The following MOB1B variants were observed in gnomAD, a reference collection of about 807,000 sequenced individuals.
MOB1B encodes the protein MOB kinase activator 1B.
MOB1B carries 19 observed loss-of-function variants against 24.4 expected under a neutral mutation model. That is an observed-to-expected ratio of 0.78 (90% CI 0.54 to 1.14). MOB1B has a LOEUF of 1.14. MOB1B is among the 50% of genes most tolerant of loss of function. The pLI is 0.00. For synonymous variants in MOB1B, 76 were observed against 82.1 expected (o/e 0.93, Z 0.40); for missense variants, 243 against 259.6 (o/e 0.94, Z 0.44).
chr4:70,945,906 G>C (rs1043429605), intron 1 of MOB1B, among the ~76,000 whole-genome samples: 1 of 151,598 alleles, frequency 6.6e-6, no homozygotes, highest in Non-Finnish European at 1.5e-5. Context: ...GAGATAAGGA[G>C]AAGTAGGCGC....
intron 2 of MOB1B, among the ~76,000 whole-genome samples, chr4:70,967,551 T>C (rs1394777599): frequency 2.0e-5 from 3 of 152,184 alleles, no homozygotes; most frequent in Non-Finnish European, 4.4e-5. Flanking sequence ...ATGTTGATTG[T>C]TCTGAAAATC....
intron 1 of MOB1B, among the ~76,000 whole-genome samples, chr4:70,928,297 T>C (rs998445307): frequency 3.3e-5 from 5 of 151,796 alleles, no homozygotes; most frequent in African/African-American, 9.7e-5. Flanking sequence ...TTCAAGAATT[T>C]TGTTTTTTTT....
intron 1 of MOB1B, among the ~76,000 whole-genome samples, chr4:70,940,753 AG>A (rs1393335564): frequency 6.7e-6 from 1 of 150,364 alleles, no homozygotes; most frequent in Non-Finnish European, 1.5e-5. Context: ...CTCAGCTCAC[AG>A]CAACCTCCAC....
chr4:70,920,412 A>T (rs554733083), intron 1 of MOB1B, among the ~76,000 whole-genome samples: 244 of 152,204 alleles, frequency 1.6e-3, no homozygotes, highest in African/African-American at 5.6e-3. Context: ...TTTAGTAGAG[A>T]TGGGGTTTTA....
At chr4:70,920,380 A>C (rs1227427875) in intron 1 of MOB1B, among the ~76,000 whole-genome samples, 2 of 152,090 alleles carry the variant, frequency 1.3e-5, no homozygotes, top group Admixed American at 1.3e-4. Context: ...GTGCCCCGCC[A>C]TGCCTGGCTA....
intron 5 of MOB1B, among the ~76,000 whole-genome samples, chr4:70,980,677 C>G (rs1739176515): frequency 6.6e-6 from 1 of 152,146 alleles, no homozygotes. Context: ...CTACCTAGAT[C>G]CCTTCTGTTG....
rs542734035 is a variant in MOB1B at position 70,969,917 on chromosome 4, T to C, written c.182-14T>C. The C allele has an allele frequency of 1.1e-5, 16 of 1,471,046 alleles. No individual in the cohort carries two copies. The Admixed American group carries it at 2.7e-4, about 25-fold the overall frequency. 91.1% of individuals were successfully genotyped at this position (1,471,046 alleles called of 1,614,324 possible). The stretch of plus-strand genomic sequence containing the variant: ...GCCATTCTGTTTTACTTACAACTGA[T>C]ACTTGCTTTACAGCTGTGGATTTCT... On this transcript the variant is annotated splice_polypyrimidine_tract_variant and intron_variant, in intron 2 of 5. Transcript: ENST00000309395.
chr4:70,912,189 G>A (rs1736015643), intron 1 of MOB1B, among the ~76,000 whole-genome samples: 1 of 152,000 alleles, frequency 6.6e-6, no homozygotes, highest in African/African-American at 2.4e-5. Flanking sequence ...GAGCCACCGT[G>A]CCCAGCCTTA....
At position 70,975,441 on chromosome 4, in the gene MOB1B, A is replaced by G. The variant is rs1420475190; in HGVS notation, c.409+155A>G. The stretch of plus-strand genomic sequence containing the variant: ...CGCAGTTCCCAAGAAGAGGCACAAA[A>G]GTTTGTTAACCCAGTGGTAAAATAA... On this transcript the variant is annotated intron_variant, in intron 4 of 5. Coordinates refer to ENST00000309395, the MANE Select transcript of MOB1B (RefSeq NM_173468.4). 2.2e-6 allele frequency: 3 copies of G among 1,344,934 alleles called. No homozygotes were observed. In the African/African-American group the frequency reaches 4.5e-5, roughly 20 times the overall value. The allele number at this position is 1,344,934 out of a possible 1,614,324, so 83.3% of individuals were successfully genotyped here. A position where few individuals can be genotyped will look rare whatever the true frequency, so the allele number is the denominator to read the frequency against.
upstream of MOB1B, chr4:70,902,227 CCGCTAT>C: frequency 3.7e-6 from 2 of 539,862 alleles, no homozygotes. Context: ...TGGGCTTGCA[CCGCTAT>C]CGCGAGAGCT....
At position 70,986,544 on chromosome 4, in the gene MOB1B, T is replaced by C. The variant is rs1739387868; in HGVS notation, c.*4487T>C. The C allele has an allele frequency of 6.6e-6, 1 of 152,118 alleles. No homozygotes were observed. Among genetic ancestry groups the C allele is most frequent in the South Asian group, 2.1e-4 (1 of 4,828 alleles). The allele number at this position is 152,118 out of a possible 1,614,324, so 9.4% of individuals were successfully genotyped here. A position where few individuals can be genotyped will look rare whatever the true frequency, so the allele number is the denominator to read the frequency against. On this transcript the variant is annotated 3_prime_UTR_variant, in exon 6 of 6. Transcript: ENST00000309395. ...CTTATTTTGAAATTTATCTGGGATA[T>C]TAAAGAATCTACCAATTCTTAAAAA... is the stretch of plus-strand genomic sequence containing the variant.
At chr4:70,932,892 A>G (rs2148880054) in intron 1 of MOB1B, among the ~76,000 whole-genome samples, 2 of 152,294 alleles carry the variant, frequency 1.3e-5, no homozygotes, top group East Asian at 3.9e-4. Context: ...AAAAGTCTCC[A>G]TTTGTATAGA....
At chr4:70,979,328 A>G (rs746429730) in intron 5 of MOB1B, 37 bp downstream of exon 5, 12 of 1,532,718 alleles carry the variant, frequency 7.8e-6, no homozygotes, top group African/African-American at 1.4e-5. Context: ...GCTCAGGGTA[A>G]GCATTTATCT....
chr4:70,957,506 T>C (rs1415258173), intron 1 of MOB1B, among the ~76,000 whole-genome samples: 2 of 151,524 alleles, frequency 1.3e-5, no homozygotes, highest in African/African-American at 4.9e-5. Flanking sequence ...TGATCATTGC[T>C]CACTGCAGTC....
chr4:70,920,672 G>A (rs143979309), intron 1 of MOB1B, among the ~76,000 whole-genome samples: 87 of 152,198 alleles, frequency 5.7e-4, no homozygotes, highest in African/African-American at 2.0e-3. Context: ...CAGTTTTCTG[G>A]GTTCTCTCTC....
chr4:70,928,635 G>A (rs1192734927), intron 1 of MOB1B, among the ~76,000 whole-genome samples: 1 of 152,128 alleles, frequency 6.6e-6, no homozygotes, highest in African/African-American at 2.4e-5. Flanking sequence ...GAGAGTATGA[G>A]TGATTCTCCT....
chr4:70,906,854 C>T lies in MOB1B; in HGVS notation c.14+4304C>T, dbSNP rs527860247. On this transcript the variant is annotated intron_variant, in intron 1 of 5. Transcript: ENST00000309395. ...ACACATCCTTAGCACCTGCTGTGTG[C>T]CAGGCGTAGAGGAAGATAAGAGATT... 7.5e-4 allele frequency among the ~76,000 whole-genome samples: 114 copies of T among 152,176 alleles called. 2 individuals carry two copies. Among genetic ancestry groups the T allele is most frequent in the African/African-American group, 2.6e-3 (110 of 41,514 alleles).
At chr4:70,941,921 T>A (rs550363952) in intron 1 of MOB1B, among the ~76,000 whole-genome samples, 1 of 152,322 alleles carries the variant, frequency 6.6e-6, no homozygotes, top group South Asian at 2.1e-4. Flanking sequence ...GAATTTTGTT[T>A]CTAAATTTCT....
chr4:70,966,113 G>A (rs1313785174), intron 2 of MOB1B, among the ~76,000 whole-genome samples: 1 of 152,116 alleles, frequency 6.6e-6, no homozygotes, highest in East Asian at 1.9e-4. Flanking sequence ...AGGGAACTAG[G>A]TCATCTAACT....
Sources: gnomAD v4.1 joint callset for allele counts (sites outside exome capture counted in the v4.1 genomes callset) on GRCh38, gnomAD v4.1.1 for gene constraint, MANE v1.5 for transcripts, NCBI Gene and HGNC (gene_info 2026-07-23, HGNC 2026-07-21) for gene names.